Variants in NCALD observed in about 807,000 individuals in gnomAD.
NCALD encodes the protein neurocalcin-delta.
A neutral mutation model predicts 18.6 loss-of-function variants in NCALD; 10 were observed. That is an observed-to-expected ratio of 0.54 (90% CI 0.33 to 0.91). NCALD has a LOEUF of 0.91. NCALD is among the 40% of genes least tolerant of loss of function. The pLI is 0.03. For synonymous variants in NCALD, 88 were observed against 87.4 expected (o/e 1.01, Z -0.04); for missense variants, 184 against 247.6 (o/e 0.74, Z 1.72).
At chr8:102,019,728 C>T (rs1007252284) in intron 2 of NCALD, among the ~76,000 whole-genome samples, 2 of 152,042 alleles carry the variant, frequency 1.3e-5, no homozygotes, top group African/African-American at 2.4e-5. Flanking sequence ...CACATCATTA[C>T]GAAGTTGGTT....
chr8:101,716,660 G>T (rs925783657), intron 2 of NCALD, among the ~76,000 whole-genome samples: 1 of 152,164 alleles, frequency 6.6e-6, no homozygotes, highest in Non-Finnish European at 1.5e-5. Context: ...GGCCCCCAAA[G>T]ATGTCCACAT....
chr8:102,026,106 A>G (rs1458216398), intron 1 of NCALD, among the ~76,000 whole-genome samples: 1 of 152,160 alleles, frequency 6.6e-6, no homozygotes, highest in Non-Finnish European at 1.5e-5. Context: ...CCTACAACAC[A>G]TGGGAACTAC....
chr8:101,752,589 ATT>A, intron 1 of NCALD, among the ~76,000 whole-genome samples: 1 of 152,220 alleles, frequency 6.6e-6, no homozygotes, highest in African/African-American at 2.4e-5. Context: ...ATAACATGAA[ATT>A]ATCTTGTGCT....
chr8:102,082,803 C>A (rs182906842), intron 1 of NCALD, among the ~76,000 whole-genome samples: 1 of 152,192 alleles, frequency 6.6e-6, no homozygotes, highest in East Asian at 1.9e-4. Flanking sequence ...GCTGAGCTCT[C>A]CCCCACCGCA....
intron 4 of NCALD, among the ~76,000 whole-genome samples, chr8:101,800,929 G>A (rs1812821228): frequency 1.2e-5 from 1 of 84,820 alleles, no homozygotes; most frequent in Non-Finnish European, 2.4e-5. Flanking sequence ...GGGAGAGAAG[G>A]GGAGGGGAGA....
intron 2 of NCALD, among the ~76,000 whole-genome samples, chr8:101,943,953 C>T (rs776313945): frequency 1.5e-5 from 2 of 137,888 alleles, no homozygotes; most frequent in Non-Finnish European, 3.2e-5. Flanking sequence ...AAAAACAAAA[C>T]AAAAAACAAA....
At chr8:101,753,402 A>T (rs540605519) in intron 1 of NCALD, among the ~76,000 whole-genome samples, 126 of 152,336 alleles carry the variant, frequency 8.3e-4, no homozygotes, top group African/African-American at 2.8e-3. Flanking sequence ...ACAATATATG[A>T]CACTGCTGGT....
intron 1 of NCALD, among the ~76,000 whole-genome samples, chr8:101,728,807 G>A (rs1231688278): frequency 2.0e-5 from 3 of 151,974 alleles, no homozygotes; most frequent in East Asian, 3.9e-4. Flanking sequence ...GCAACAGAGC[G>A]AGACTCCATC....
At chr8:102,102,622 C>G (rs962330558) in intron 1 of NCALD, among the ~76,000 whole-genome samples, 3 of 152,218 alleles carry the variant, frequency 2.0e-5, no homozygotes, top group Admixed American at 6.5e-5. Context: ...CATGACCCCC[C>G]AGCCCCGCTC....
chr8:101,738,781 T>C (rs980644689), intron 1 of NCALD, among the ~76,000 whole-genome samples: 9 of 152,066 alleles, frequency 5.9e-5, no homozygotes, highest in Non-Finnish European at 1.0e-4. Flanking sequence ...TGTGCATCAG[T>C]TTCCTCAACT....
intron 2 of NCALD, among the ~76,000 whole-genome samples, chr8:101,988,902 GAAAAA>G (rs35196499): frequency 1.1e-4 from 7 of 66,072 alleles, no homozygotes; most frequent in Middle Eastern, 0.013. Flanking sequence ...GGTGCCAGCA[GAAAAA>G]AAAAAAAAAA....
At chr8:101,939,003 C>T (rs979880210) in intron 2 of NCALD, among the ~76,000 whole-genome samples, 11 of 152,208 alleles carry the variant, frequency 7.2e-5, no homozygotes, top group Admixed American at 2.0e-4. Flanking sequence ...GTGCTTGGAT[C>T]TGATTGGAAT....
chr8:101,999,691 A>C (rs556581448), intron 2 of NCALD, among the ~76,000 whole-genome samples: 1 of 152,278 alleles, frequency 6.6e-6, no homozygotes, highest in South Asian at 2.1e-4. Context: ...AAGCAGCTAT[A>C]TGTATGGAAA....
intron 4 of NCALD, among the ~76,000 whole-genome samples, chr8:101,867,942 T>C (rs1424100204): frequency 6.6e-6 from 1 of 152,234 alleles, no homozygotes; most frequent in African/African-American, 2.4e-5. Flanking sequence ...CTAAGAGCCA[T>C]ATCTGGTCCC....
intron 4 of NCALD, among the ~76,000 whole-genome samples, chr8:101,810,236 G>A (rs772667805): frequency 3.3e-5 from 5 of 152,144 alleles, no homozygotes; most frequent in Non-Finnish European, 7.4e-5. Flanking sequence ...TTTTATCTCT[G>A]TGACTTTAGG....
At chr8:102,108,805 G>T (rs1425318933) in intron 1 of NCALD, among the ~76,000 whole-genome samples, 1 of 152,126 alleles carries the variant, frequency 6.6e-6, no homozygotes, top group Non-Finnish European at 1.5e-5. Flanking sequence ...TACTTATAGT[G>T]ATCAAAGTAG....
chr8:102,005,109 G>GA, intron 2 of NCALD, among the ~76,000 whole-genome samples: 1 of 152,118 alleles, frequency 6.6e-6, no homozygotes, highest in African/African-American at 2.4e-5. Context: ...CAAAATGGGA[G>GA]AAAATTTTTG....
chr8:101,872,126 G>A, intron 4 of NCALD: 1 of 1,604,656 alleles, frequency 6.2e-7, no homozygotes, highest in Non-Finnish European at 8.5e-7. Context: ...TTGACATCAG[G>A]AAACTTCCTG....
intron 1 of NCALD, among the ~76,000 whole-genome samples, chr8:101,728,475 G>A: frequency 6.6e-6 from 1 of 152,178 alleles, no homozygotes; most frequent in Non-Finnish European, 1.5e-5. Context: ...AAGCTTGGCT[G>A]CAACAAGGAA....
Sources: gnomAD v4.1 joint callset for allele counts (sites outside exome capture counted in the v4.1 genomes callset) on GRCh38, gnomAD v4.1.1 for gene constraint, MANE v1.5 for transcripts, NCBI Gene and HGNC (gene_info 2026-07-23, HGNC 2026-07-21) for gene names.